The following KIAA1328 variants were observed in gnomAD, a reference collection of about 807,000 sequenced individuals.
KIAA1328 encodes KIAA1328, also known as protein hinderin.
In KIAA1328, 52 loss-of-function variants were observed where a neutral mutation model predicts 68.1. That is an observed-to-expected ratio of 0.76 (90% CI 0.61 to 0.96). The LOEUF (loss-of-function observed/expected upper bound fraction) is 0.96. KIAA1328 is among the 40% of genes least tolerant of loss of function. KIAA1328 has a pLI of 0.00. For missense variants in KIAA1328, 641 were observed against 677.6 expected (o/e 0.95, Z 0.60); for synonymous variants, 232 against 239.4 (o/e 0.97, Z 0.28).
intron 3 of KIAA1328, among the ~76,000 whole-genome samples, chr18:36,837,725 A>G (rs368952836): frequency 6.6e-6 from 1 of 152,010 alleles, no homozygotes; most frequent in Non-Finnish European, 1.5e-5. Context: ...TTACTCCTAC[A>G]TTTAGTTCTC....
At chr18:36,941,745 C>T (rs970944557) in intron 5 of KIAA1328, among the ~76,000 whole-genome samples, 1 of 152,012 alleles carries the variant, frequency 6.6e-6, no homozygotes, top group Non-Finnish European at 1.5e-5. Flanking sequence ...ACCCTATTCA[C>T]AAATATAGAA....
At chr18:36,948,033 T>A (rs2050972989) in intron 5 of KIAA1328, among the ~76,000 whole-genome samples, 1 of 152,114 alleles carries the variant, frequency 6.6e-6, no homozygotes, top group Non-Finnish European at 1.5e-5. Context: ...CATCATGGCC[T>A]GAACTTGTTT....
intron 7 of KIAA1328, among the ~76,000 whole-genome samples, chr18:37,121,471 G>A (rs962331255): frequency 7.0e-6 from 1 of 142,928 alleles, no homozygotes; most frequent in African/African-American, 2.6e-5. Context: ...TGCATCTATC[G>A]ATCTATCTAT....
chr18:36,875,993 G>A (rs2048109973), intron 4 of KIAA1328, among the ~76,000 whole-genome samples: 1 of 151,962 alleles, frequency 6.6e-6, no homozygotes, highest in African/African-American at 2.4e-5. Context: ...TGTTGAACCA[G>A]CCTTGCATCC....
At chr18:37,001,902 T>G (rs995732061) in intron 6 of KIAA1328, among the ~76,000 whole-genome samples, 8 of 152,144 alleles carry the variant, frequency 5.3e-5, no homozygotes, top group African/African-American at 1.9e-4. Flanking sequence ...AAAATCATAT[T>G]GAATGGAGAA....
chr18:36,902,970 T>G (rs1049516887), intron 5 of KIAA1328, among the ~76,000 whole-genome samples: 14 of 152,246 alleles, frequency 9.2e-5, no homozygotes, highest in African/African-American at 3.4e-4. Flanking sequence ...TATATATCTG[T>G]TAATCTTTCC....
At chr18:36,984,180 C>T (rs2052811645) in intron 6 of KIAA1328, among the ~76,000 whole-genome samples, 1 of 152,064 alleles carries the variant, frequency 6.6e-6, no homozygotes, top group African/African-American at 2.4e-5. Context: ...GAATGGTTTC[C>T]CCCAGTGGTC....
At chr18:36,866,595 A>G (rs2047761178) in intron 4 of KIAA1328, among the ~76,000 whole-genome samples, 1 of 152,210 alleles carries the variant, frequency 6.6e-6, no homozygotes, top group Admixed American at 6.5e-5. Flanking sequence ...TCCCAATTAT[A>G]TCATATAAAA....
intron 4 of KIAA1328, among the ~76,000 whole-genome samples, chr18:36,864,014 C>G (rs2047657730): frequency 6.6e-6 from 1 of 152,254 alleles, no homozygotes; most frequent in Admixed American, 6.5e-5. Context: ...TATTTCTAAA[C>G]TTCTGGTCCT....
intron 8 of KIAA1328, among the ~76,000 whole-genome samples, chr18:37,166,890 T>C (rs1035964050): frequency 6.6e-6 from 1 of 152,116 alleles, no homozygotes; most frequent in African/African-American, 2.4e-5. Flanking sequence ...AAGATCTAAA[T>C]AGACCTATAT....
chr18:36,972,496 G>A (rs1361552847), intron 6 of KIAA1328, among the ~76,000 whole-genome samples: 1 of 152,144 alleles, frequency 6.6e-6, no homozygotes, highest in Non-Finnish European at 1.5e-5. Flanking sequence ...TGTCGGGGGA[G>A]GGGTCTAACC....
intron 1 of KIAA1328, among the ~76,000 whole-genome samples, chr18:36,834,039 T>C (rs1227299479): frequency 6.6e-6 from 1 of 152,226 alleles, no homozygotes. Flanking sequence ...GGATAAAAGT[T>C]TCATGGAACA....
downstream of KIAA1328, among the ~76,000 whole-genome samples, chr18:37,227,983 T>G (rs550885604): frequency 5.9e-5 from 9 of 152,258 alleles, no homozygotes; most frequent in South Asian, 1.9e-3. Flanking sequence ...ATATCAAGAT[T>G]AACAGGAGTT....
chr18:37,047,880 C>T (rs766244580), intron 6 of KIAA1328, among the ~76,000 whole-genome samples: 4 of 152,142 alleles, frequency 2.6e-5, no homozygotes, highest in Admixed American at 1.3e-4. Context: ...CCTGCCCGCT[C>T]ATCTCAAGGT....
At chr18:37,007,879 G>A (rs2053838533) in intron 6 of KIAA1328, among the ~76,000 whole-genome samples, 1 of 152,204 alleles carries the variant, frequency 6.6e-6, no homozygotes, top group South Asian at 2.1e-4. Flanking sequence ...TGGTGGTGAG[G>A]AGTCAAAACT....
chr18:36,963,207 G>T (rs1281648096), intron 6 of KIAA1328, among the ~76,000 whole-genome samples: 1 of 152,176 alleles, frequency 6.6e-6, no homozygotes, highest in African/African-American at 2.4e-5. Flanking sequence ...CTGCTACACG[G>T]AAAACAAGTC....
intron 2 of KIAA1328, among the ~76,000 whole-genome samples, chr18:36,834,823 G>A (rs545554643): frequency 2.0e-5 from 3 of 152,114 alleles, no homozygotes; most frequent in African/African-American, 7.2e-5. Context: ...TTGGCATATC[G>A]TAATTTATTG....
intron 7 of KIAA1328, among the ~76,000 whole-genome samples, chr18:37,158,609 G>T (rs1023907554): frequency 2.6e-4 from 40 of 152,066 alleles, no homozygotes; most frequent in African/African-American, 9.2e-4. Context: ...GTAGATGGGT[G>T]AATATGGAAA....
chr18:37,226,950 A>G (rs971556730), downstream of KIAA1328, among the ~76,000 whole-genome samples: 7 of 152,142 alleles, frequency 4.6e-5, no homozygotes, highest in East Asian at 1.9e-4. Flanking sequence ...TATTTTTAGT[A>G]GAGACGGGGT....
Sources: gnomAD v4.1 joint callset for allele counts (sites outside exome capture counted in the v4.1 genomes callset) on GRCh38, gnomAD v4.1.1 for gene constraint, MANE v1.5 for transcripts, NCBI Gene and HGNC (gene_info 2026-07-23, HGNC 2026-07-21) for gene names.